Variants in KMT2A observed in about 807,000 individuals in gnomAD.
KMT2A encodes the protein lysine methyltransferase 2A.
Under a neutral mutation model 345.3 loss-of-function variants are expected in KMT2A, and 16 were observed. The observed-to-expected ratio is 0.05, with a 90% CI of 0.03 to 0.07. The LOEUF is 0.07. Among genes scored for constraint, KMT2A ranks in the 10% least tolerant of loss-of-function variants. KMT2A has a pLI of 1.00. For missense variants in KMT2A, 3,272 were observed against 4,841.6 expected, an observed-to-expected ratio of 0.68 and a Z score of 9.62; for synonymous variants, 1,599 against 1,778.6, an observed-to-expected ratio of 0.90 and a Z score of 2.54.
In KMT2A at chr11:118,520,129, C is replaced by A; in HGVS notation, c.11429+65C>A. 2 of 1,044,848 alleles carry A rather than the reference C, an allele frequency of 1.9e-6. No individual in the cohort carries two copies. Among genetic ancestry groups the A allele is most frequent in the Non-Finnish European group, 1.4e-6 (1 of 689,898 alleles). The allele number at this position is 1,044,848 out of a possible 1,614,324, so 64.7% of individuals were successfully genotyped here. On this transcript the variant is annotated intron_variant, in intron 33 of 35. Transcript: ENST00000534358. This position sits in a 1 kb window ranked among gnomAD's most constrained non-coding sequence, Gnocchi z 4.3. ...CCCTCTCCTCCAGCTGGTCAGGGCA[C>A]TACGTAGGAATTTGTTTGCATCAGA...
Position 118,504,219 on chromosome 11 carries a change from G to A in KMT2A, c.8327G>A (p.Gly2776Asp), listed in dbSNP as rs532935420. ...EKEHVTKSSV[G>D]HKNEPKMDNC... The stretch of plus-strand genomic sequence containing the variant: ...GAACATGTCACTAAGAGTTCTGTTG[G>A]CCACAAAAATGAGCCAAAGATGGAT... The change falls in exon 27 of 36, where the codon GGC becomes GAC. Residue 2776 changes from glycine to aspartate, a missense_variant. Physicochemically the swap from Gly to Asp is moderately conservative, Grantham distance 94 (BLOSUM62 -1). Transcript: ENST00000534358. This position sits in a 1 kb window ranked among gnomAD's most constrained non-coding sequence, Gnocchi z 6.4. The A allele has an allele frequency of 2.5e-6, 4 of 1,614,010 alleles. No homozygotes were observed. Among genetic ancestry groups the A allele is most frequent in the Non-Finnish European group, 3.4e-6 (4 of 1,180,036 alleles).
intron 1 of KMT2A, among the ~76,000 whole-genome samples, chr11:118,446,984 T>G (rs1248210324): frequency 6.6e-6 from 1 of 152,222 alleles, no homozygotes; most frequent in African/African-American, 2.4e-5. Context: ...TATCTGCCTT[T>G]GTACCTTTGC....
At chr11:118,455,354 T>C (rs1949622069) in intron 1 of KMT2A, among the ~76,000 whole-genome samples, 1 of 152,194 alleles carries the variant, frequency 6.6e-6, no homozygotes, top group African/African-American at 2.4e-5. Flanking sequence ...GTGACAGTCA[T>C]ATTTGAATTA....
In KMT2A at chr11:118,473,725, G is replaced by C. The variant is rs2134270350; in HGVS notation, c.2566G>C (p.Glu856Gln). Residue 856 changes from glutamate to glutamine, a missense_variant, in exon 3 of 36, where the codon GAG (glutamate) becomes CAG (glutamine). Coordinates refer to ENST00000534358, the MANE Select transcript of KMT2A (RefSeq NM_001197104.2). This position sits in a 1 kb window ranked among gnomAD's most constrained non-coding sequence, Gnocchi z 5.2. ...AGGGAGAAATAAAGACAAGGCCCCC[G>C]AGGAGCTGTCCAAAGATCGAGATGC... Reference protein sequence around the residue: ...ERGRNKDKAPEELSKDRDADK... With the variant: ...ERGRNKDKAPQELSKDRDADK... 1 of 1,614,074 alleles carries C rather than the reference G, an allele frequency of 6.2e-7. No individual in the cohort carries two copies. The highest frequency in any genetic ancestry group is 8.5e-7 in the Non-Finnish European group (1 of 1,180,000).
chr11:118,501,823 GAGA>G lies in KMT2A; in HGVS notation c.6472_6474del (p.Arg2158del). The G allele has an allele frequency of 1.2e-6, 2 of 1,613,790 alleles. No individual in the cohort carries two copies. Among genetic ancestry groups the G allele is most frequent in the Non-Finnish European group, 1.7e-6 (2 of 1,179,894 alleles). ...GAACACCCAGTTATTCTCCAACACA[GAGA>G]TCCCCTGGCTGTCGACCGTTGCCTT... On this transcript the variant is annotated inframe_deletion, in exon 26 of 36. Coordinates refer to ENST00000534358, the MANE Select transcript of KMT2A (RefSeq NM_001197104.2).
chr11:118,475,165 A>C (rs1475195974), intron 3 of KMT2A, among the ~76,000 whole-genome samples: 4 of 152,080 alleles, frequency 2.6e-5, no homozygotes, highest in African/African-American at 9.7e-5. Context: ...AAACAAACAG[A>C]TTAGAAGCAC....
At chr11:118,452,327 G>A (rs1177656390) in intron 1 of KMT2A, among the ~76,000 whole-genome samples, 9 of 152,118 alleles carry the variant, frequency 5.9e-5, no homozygotes, top group African/African-American at 2.2e-4. Flanking sequence ...CATGAGCTCA[G>A]GAGTTCAAGA....
At chr11:118,442,228 C>A (rs1555026023) in intron 1 of KMT2A, among the ~76,000 whole-genome samples, 1 of 152,134 alleles carries the variant, frequency 6.6e-6, no homozygotes, top group African/African-American at 2.4e-5. Flanking sequence ...TGGCATAGAC[C>A]TTTGAGAAGG....
At chr11:118,438,288 G>A (rs1351074793) in intron 1 of KMT2A, among the ~76,000 whole-genome samples, 1 of 152,064 alleles carries the variant, frequency 6.6e-6, no homozygotes, top group African/African-American at 2.4e-5. Flanking sequence ...TTAGTACTGG[G>A]GCAAGAACGG....
Position 118,466,933 on chromosome 11 carries a change from T to A in KMT2A, c.433-1842T>A, listed in dbSNP as rs183961365. Among the ~76,000 whole-genome samples, 144 of 152,044 alleles carry A rather than the reference T, an allele frequency of 9.5e-4. 1 individual carries two copies. The highest frequency in any genetic ancestry group is 1.8e-3 in the Non-Finnish European group (124 of 67,986). ...AGTAAGCCAGGCATAGTGGTGCATG[T>A]ATGTAGTCCGAGCTATGCAGGAGGC... On this transcript the variant is annotated intron_variant, in intron 1 of 35. Coordinates refer to ENST00000534358, the MANE Select transcript of KMT2A (RefSeq NM_001197104.2).
chr11:118,453,566 C>T (rs1286098308), intron 1 of KMT2A, among the ~76,000 whole-genome samples: 1 of 152,228 alleles, frequency 6.6e-6, no homozygotes, highest in African/African-American at 2.4e-5. Context: ...CCTAGGTCAT[C>T]TCATCCAGGC....
In KMT2A at chr11:118,484,114, A is replaced by AT; in HGVS notation, c.4087-67dup. Reference sequence around the variant, plus strand: ...ATTAATAAAATTTGTCATTTGCATTATTATCTGTTGCAAATGTGAAGGCAA... The same window carrying AT: ...ATTAATAAAATTTGTCATTTGCATTATTTATCTGTTGCAAATGTGAAGGCAA... On this transcript the variant is annotated intron_variant, in intron 8 of 35. Transcript: ENST00000534358. This position sits in a 1 kb window ranked among gnomAD's most constrained non-coding sequence, Gnocchi z 4.1. The AT allele has an allele frequency of 7.0e-7, 1 of 1,426,566 alleles. No homozygotes were observed. Among genetic ancestry groups the AT allele is most frequent in the Non-Finnish European group, 9.7e-7 (1 of 1,032,384 alleles). 88.4% of individuals were successfully genotyped at this position (1,426,566 alleles called of 1,614,324 possible).
In KMT2A at chr11:118,522,428, G is replaced by T. The variant is rs1485526060; in HGVS notation, c.*256G>T. On this transcript the variant is annotated 3_prime_UTR_variant, in exon 36 of 36. Transcript: ENST00000534358. This position sits in a 1 kb window ranked among gnomAD's most constrained non-coding sequence, Gnocchi z 5.4. ...CCCTCCAATTGTTTACTGTTAGAAAGTGGGAATGGGGTCCCTAGCAGACTT... is the reference window on the plus strand; with the variant it reads ...CCCTCCAATTGTTTACTGTTAGAAATTGGGAATGGGGTCCCTAGCAGACTT... 3 of 457,998 alleles carry T rather than the reference G, an allele frequency of 6.6e-6. No homozygotes were observed. Among genetic ancestry groups the T allele is most frequent in the African/African-American group, 3.9e-5 (2 of 51,864 alleles). 28.4% of individuals were successfully genotyped at this position (457,998 alleles called of 1,614,324 possible).
Position 118,505,489 on chromosome 11 carries a change from T to G in KMT2A, c.9597T>G (p.Leu3199=), listed in dbSNP as rs782426529. ...IGVQPPPDPQ[L]LVSESSQRTD... ...TTCAGCCTCCTCCGGATCCCCAACT[T>G]TTGGTTTCAGAATCCAGCCAGAGGA... Residue 3199 remains leucine (L), a synonymous_variant, in exon 27 of 36, where the codon CTT becomes CTG. Transcript: ENST00000534358. This position sits in a 1 kb window ranked among gnomAD's most constrained non-coding sequence, Gnocchi z 4.6. 6 of 1,614,006 alleles carry G rather than the reference T, an allele frequency of 3.7e-6. No homozygotes were observed. The highest frequency in any genetic ancestry group is 5.1e-6 in the Non-Finnish European group (6 of 1,180,020).
intron 1 of KMT2A, among the ~76,000 whole-genome samples, chr11:118,459,190 C>T (rs1555031781): frequency 6.6e-6 from 1 of 152,070 alleles, no homozygotes; most frequent in Admixed American, 6.5e-5. Flanking sequence ...GTGCATCAGC[C>T]ACCCAAGAAG....
In KMT2A at chr11:118,506,363, G is replaced by A. The variant is rs1216663009; in HGVS notation, c.10471G>A (p.Asp3491Asn). The change falls in exon 27 of 36, where the codon GAC becomes AAC. Residue 3491 changes from aspartate to asparagine, a missense_variant. Transcript: ENST00000534358. ...GGTATCCAACTTTACCCAGACGGTA[G>A]ACGCTCCTAATAGCATGGGACTGGA... The part of the protein sequence containing the change: ...PQVSNFTQTV[D>N]APNSMGLEQN... 6.2e-7 allele frequency: 1 copy of A among 1,614,176 alleles called. No individual in the cohort carries two copies.
Position 118,436,765 on chromosome 11 carries a change from T to A in KMT2A, c.253T>A (p.Ser85Thr). The A allele has an allele frequency of 6.2e-7, 1 of 1,602,634 alleles. No individual in the cohort carries two copies. The highest frequency in any genetic ancestry group is 8.5e-7 in the Non-Finnish European group (1 of 1,175,146). ...GGGAGCGGCCGCCGCCTCAGCAGCC[T>A]CCTCGTCGTCCGCCTCGTCTTCGTC... ...PGGAAAASAA[S>T]SSSASSSSSS... The change falls in exon 1 of 36, where the codon TCC (serine) becomes ACC (threonine). Residue 85 changes from serine (S) to threonine (T), a missense_variant. Physicochemically the swap from Ser to Thr is moderately conservative, Grantham distance 58. Coordinates refer to ENST00000534358, the MANE Select transcript of KMT2A (RefSeq NM_001197104.2). This position sits in a 1 kb window ranked among gnomAD's most constrained non-coding sequence, Gnocchi z 6.9.
rs1216141628 is a variant in KMT2A at position 118,476,733 on chromosome 11, A to T, written c.3157-72A>T. The T allele has an allele frequency of 8.2e-7, 1 of 1,220,984 alleles. No individual in the cohort carries two copies. Among genetic ancestry groups the T allele is most frequent in the Non-Finnish European group, 1.2e-6 (1 of 856,748 alleles). The allele number at this position is 1,220,984 out of a possible 1,614,324, so 75.6% of individuals were successfully genotyped here. On this transcript the variant is annotated intron_variant, in intron 3 of 35. Coordinates refer to ENST00000534358, the MANE Select transcript of KMT2A (RefSeq NM_001197104.2). This position sits in a 1 kb window ranked among gnomAD's most constrained non-coding sequence, Gnocchi z 4.1. ...TAAATCATACTGAAATTGATTAAGT[A>T]TACCTTGGCTTCGTTCAGTTATAAT... is the stretch of plus-strand genomic sequence containing the variant.
intron 10 of KMT2A, among the ~76,000 whole-genome samples, chr11:118,486,211 C>T (rs1555040838): frequency 6.6e-6 from 1 of 152,106 alleles, no homozygotes; most frequent in African/African-American, 2.4e-5. Flanking sequence ...CATGACATAT[C>T]ACTGAGTGAA....
Sources: gnomAD v4.1 joint callset for allele counts (sites outside exome capture counted in the v4.1 genomes callset) on GRCh38, gnomAD v4.1.1 for gene constraint, Gnocchi (gnomAD v3.1) non-coding constraint, MANE v1.5 for transcripts, NCBI Gene and HGNC (gene_info 2026-07-23, HGNC 2026-07-21) for gene names.